KIAA1217: variants seen among roughly 807,000 people sequenced by gnomAD.
The protein encoded by KIAA1217 is KIAA1217.
Under a neutral mutation model 163.9 loss-of-function variants are expected in KIAA1217, and 88 were observed. That is an observed-to-expected ratio of 0.54 (90% CI 0.45 to 0.64). The LOEUF is 0.64. Ranked by LOEUF, KIAA1217 falls within the 30% of genes least tolerant of loss-of-function variation. The pLI is 0.00. For missense variants in KIAA1217, 2,372 were observed against 2,475.0 expected, an observed-to-expected ratio of 0.96 and a Z score of 0.88; for synonymous variants, 903 against 923.1, an observed-to-expected ratio of 0.98 and a Z score of 0.39.
intron 1 of KIAA1217, among the ~76,000 whole-genome samples, chr10:23,822,911 A>G (rs1487561314): frequency 3.3e-5 from 5 of 152,226 alleles, no homozygotes; most frequent in Admixed American, 3.3e-4. Flanking sequence ...CATATACCAT[A>G]TGTCTAAATT....
chr10:24,543,855 G>A lies in KIAA1217; in HGVS notation c.4585G>A (p.Glu1529Lys), dbSNP rs2075393906. Residue 1529 changes from glutamate to lysine, a missense_variant, in exon 19 of 21, where the codon GAG (glutamate) becomes AAG (lysine). This residue lies in a region of KIAA1217 where 690 missense variants were observed against 677.5 expected (regional missense o/e 1.02). Transcript: ENST00000376454. ...GTCACAGCCACACTCCCTGGCCACA[G>A]AGACCAGAAACCCAGGAGGACAGGA... ...TKSQPHSLATETRNPGGQEMN... is the reference protein window; with the variant it reads ...TKSQPHSLATKTRNPGGQEMN... The A allele has an allele frequency of 6.2e-7, 1 of 1,613,984 alleles. No individual in the cohort carries two copies. The highest frequency in any genetic ancestry group is 8.5e-7 in the Non-Finnish European group (1 of 1,180,048).
At position 23,830,739 on chromosome 10, in the gene KIAA1217, CAGAT is replaced by C. The variant is rs1474895257; in HGVS notation, c.-321+135510_-321+135513del. ...ATAGGTAGATAGATAGCTAGATAGA[CAGAT>C]AGATGATTGCTGGAATGGGGAATAA... On this transcript the variant is annotated intron_variant, in intron 1 of 18. Transcript: ENST00000376462. 4.2e-5 allele frequency among the ~76,000 whole-genome samples: 6 copies of C among 143,980 alleles called. No individual in the cohort carries two copies. The East Asian group carries it at 6.3e-4, about 15-fold the overall frequency. The allele number at this position is 143,980 out of a possible 152,430, so 94.5% of individuals were successfully genotyped here. A position where few individuals can be genotyped will look rare whatever the true frequency, so the allele number is the denominator to read the frequency against.
rs1433111397 is a variant in KIAA1217 at position 23,911,364 on chromosome 10, C to T, written c.-320-95861C>T. Among the ~76,000 whole-genome samples, 6 of 152,174 alleles carry T rather than the reference C, an allele frequency of 3.9e-5. No individual in the cohort carries two copies. The East Asian group carries it at 5.8e-4, about 15-fold the overall frequency. ...CAACCTCACTTCTCCACATATACCC[C>T]GTAGGGGCTTTGAATTAGAAATGTT... On this transcript the variant is annotated intron_variant, in intron 1 of 18. Coordinates refer to the KIAA1217 transcript ENST00000376462.
At chr10:24,115,387 T>A (rs957045643) in intron 2 of KIAA1217, among the ~76,000 whole-genome samples, 3 of 152,194 alleles carry the variant, frequency 2.0e-5, no homozygotes, top group Non-Finnish European at 4.4e-5. Context: ...TTAGGAAAAT[T>A]AAAGCAGAGA....
At chr10:24,283,421 C>A (rs2078186910) in intron 2 of KIAA1217, among the ~76,000 whole-genome samples, 1 of 152,132 alleles carries the variant, frequency 6.6e-6, no homozygotes, top group African/African-American at 2.4e-5. Context: ...AATCCCAGCA[C>A]TTTGGGAGGC....
intron 1 of KIAA1217, among the ~76,000 whole-genome samples, chr10:23,977,048 G>A (rs973796212): frequency 1.3e-5 from 2 of 152,086 alleles, no homozygotes; most frequent in African/African-American, 4.8e-5. Context: ...TCTGCTGACG[G>A]AGATCTTTTT....
At chr10:23,957,742 C>G (rs556491864) in intron 1 of KIAA1217, among the ~76,000 whole-genome samples, 2 of 152,036 alleles carry the variant, frequency 1.3e-5, no homozygotes, top group African/African-American at 4.8e-5. Flanking sequence ...AAATAAATAA[C>G]TCCCAACCAA....
chr10:24,358,634 A>G (rs983871239), intron 2 of KIAA1217, among the ~76,000 whole-genome samples: 1 of 152,260 alleles, frequency 6.6e-6, no homozygotes, highest in Non-Finnish European at 1.5e-5. Flanking sequence ...TTGAAGATCA[A>G]TGACTGTGCT....
intron 3 of KIAA1217, among the ~76,000 whole-genome samples, chr10:24,390,475 G>GGGAGGGAAGGAAGGAAGGAA: frequency 9.3e-6 from 1 of 107,212 alleles, no homozygotes; most frequent in African/African-American, 4.1e-5. Context: ...GAGGGAGGGA[G>GGGAGGGAAGGAAGGAAGGAA]GGAAGGAAGG....
chr10:23,745,465 G>T (rs12260207), intron 1 of KIAA1217, among the ~76,000 whole-genome samples: 1 of 152,032 alleles, frequency 6.6e-6, no homozygotes, highest in African/African-American at 2.4e-5. Flanking sequence ...GAAATTGGTC[G>T]TAACTTTTTC....
At chr10:24,241,688 C>T (rs1214325644) in intron 2 of KIAA1217, among the ~76,000 whole-genome samples, 1 of 152,208 alleles carries the variant, frequency 6.6e-6, no homozygotes, top group Admixed American at 6.5e-5. Flanking sequence ...TCCCTTGCCT[C>T]TATCCCAGAC....
intron 2 of KIAA1217, among the ~76,000 whole-genome samples, chr10:24,355,911 G>A (rs1340497869): frequency 6.6e-6 from 1 of 151,098 alleles, no homozygotes; most frequent in Non-Finnish European, 1.5e-5. Context: ...ACCACGCCCG[G>A]CTAATTTTTG....
chr10:23,848,895 C>A (rs1839172461), intron 1 of KIAA1217, among the ~76,000 whole-genome samples: 1 of 152,054 alleles, frequency 6.6e-6, no homozygotes, highest in African/African-American at 2.4e-5. Flanking sequence ...CTCACTAATA[C>A]AATATATGTC....
At chr10:24,354,734 T>TG (rs147412055) in intron 2 of KIAA1217, among the ~76,000 whole-genome samples, 3 of 67,042 alleles carry the variant, frequency 4.5e-5, no homozygotes, top group African/African-American at 2.0e-4. Context: ...CCTTCTCTTC[T>TG]CTCCTCTGCT....
At chr10:23,926,320 G>A (rs1223423911) in intron 1 of KIAA1217, among the ~76,000 whole-genome samples, 2 of 152,212 alleles carry the variant, frequency 1.3e-5, no homozygotes, top group Non-Finnish European at 2.9e-5. Context: ...TAATACTTGA[G>A]TTTCTTGTCT....
At chr10:24,198,822 G>T (rs1156970368) in intron 2 of KIAA1217, among the ~76,000 whole-genome samples, 2 of 152,060 alleles carry the variant, frequency 1.3e-5, no homozygotes, top group Non-Finnish European at 1.5e-5. Flanking sequence ...ATAGTTTTTT[G>T]AAAAACTGAA....
intron 3 of KIAA1217, among the ~76,000 whole-genome samples, chr10:24,408,747 A>G (rs1687321951): frequency 6.6e-6 from 1 of 151,978 alleles, no homozygotes; most frequent in Non-Finnish European, 1.5e-5. Context: ...TTATTCAAAC[A>G]CCATCTTATC....
intron 1 of KIAA1217, among the ~76,000 whole-genome samples, chr10:23,969,425 T>A (rs1001582822): frequency 2.0e-5 from 3 of 152,204 alleles, no homozygotes; most frequent in Non-Finnish European, 4.4e-5. Flanking sequence ...TGCATGAGGG[T>A]TCTAATTTCC....
At chr10:24,253,215 G>A (rs2074757275) in intron 2 of KIAA1217, among the ~76,000 whole-genome samples, 1 of 152,148 alleles carries the variant, frequency 6.6e-6, no homozygotes, top group South Asian at 2.1e-4. Flanking sequence ...TTAATATAGT[G>A]CTGAGGGTTT....
Sources: allele counts gnomAD v4.1 joint callset (sites outside exome capture counted in the v4.1 genomes callset), GRCh38; gene constraint gnomAD v4.1.1; regional missense constraint gnomAD v4.1.1; transcripts MANE v1.5; gene names NCBI Gene and HGNC (gene_info 2026-07-23, HGNC 2026-07-21).